The following NFIX variants were observed in gnomAD, a reference collection of about 807,000 sequenced individuals.
The protein encoded by NFIX is nuclear factor 1 X-type.
Under a neutral mutation model 53.3 loss-of-function variants are expected in NFIX, and 2 were observed. That is an observed-to-expected ratio of 0.04 (90% confidence interval 0.02 to 0.12). The LOEUF (loss-of-function observed/expected upper bound fraction) is 0.12. Ranked by LOEUF, NFIX falls within the 10% of genes least tolerant of loss-of-function variation. NFIX has a pLI of 1.00. For synonymous variants in NFIX, 244 were observed against 289.0 expected (o/e 0.84, Z 1.58); for missense variants, 310 against 674.5 (o/e 0.46, Z 5.99).
chr19:13,018,275 T>C (rs531691843), intron 1 of NFIX, among the ~76,000 whole-genome samples: 4 of 140,254 alleles, frequency 2.9e-5, no homozygotes, highest in Non-Finnish European at 6.1e-5. Flanking sequence ...CGAGGCTGCC[T>C]GTTGGCCCGA....
At chr19:13,023,349 T>C (rs987790878) in intron 1 of NFIX, among the ~76,000 whole-genome samples, 6 of 149,338 alleles carry the variant, frequency 4.0e-5, no homozygotes, top group African/African-American at 1.5e-4. Context: ...TCGCTCCCTC[T>C]CTCTCTTTTG....
At position 13,029,619 on chromosome 19, in the gene NFIX, G is replaced by C. The variant is rs1599746978; in HGVS notation, c.559+4067G>C. Among the ~76,000 whole-genome samples the C allele has an allele frequency of 2.6e-5, 4 of 152,286 alleles. 1 individual carries two copies. Among genetic ancestry groups the C allele is most frequent in the Admixed American group, 2.0e-4 (3 of 15,302 alleles). On this transcript the variant is annotated intron_variant, in intron 2 of 10. Transcript: ENST00000592199. ...TGGACTCTGCAGGCTGCGCTGCCCC[G>C]AGTGATTCAGTGAGTGTGGTGCTCT...
chr19:13,061,609 G>A (rs2016098310), intron 2 of NFIX, among the ~76,000 whole-genome samples: 1 of 152,152 alleles, frequency 6.6e-6, no homozygotes, highest in African/African-American at 2.4e-5. Flanking sequence ...CCTGAGCCGC[G>A]CCGCTCCCTG....
intron 6 of NFIX, among the ~76,000 whole-genome samples, chr19:13,076,902 A>T (rs534603961): frequency 6.6e-6 from 1 of 152,096 alleles, no homozygotes; most frequent in South Asian, 2.1e-4. Flanking sequence ...GACCCTCTAG[A>T]TGGCCAGCAG....
rs566351086 is a variant in NFIX at position 13,076,848 on chromosome 19, A to G, written c.955+1177A>G. Among the ~76,000 whole-genome samples, 3 of 152,202 alleles carry G rather than the reference A, an allele frequency of 2.0e-5. No homozygotes were observed. The South Asian group carries it at 6.2e-4, about 32-fold the overall frequency. Reference sequence around the variant, plus strand: ...CTTCTCCTCCTCCTGGGAGGAGGAAAGGAGGGCTCGCCTCCAGGCCTCAGG... The same window carrying G: ...CTTCTCCTCCTCCTGGGAGGAGGAAGGGAGGGCTCGCCTCCAGGCCTCAGG... On this transcript the variant is annotated intron_variant, in intron 6 of 10. Coordinates refer to ENST00000592199, the MANE Select transcript of NFIX (RefSeq NM_001365902.3).
rs2013503862 is a variant in NFIX, at chr19:13,028,009, C to T, written c.559+2457C>T. 6.6e-6 allele frequency among the ~76,000 whole-genome samples: 1 copy of T among 152,250 alleles called. No individual in the cohort carries two copies. Among genetic ancestry groups the T allele is most frequent in the Non-Finnish European group, 1.5e-5 (1 of 68,050 alleles). On this transcript the variant is annotated intron_variant, in intron 2 of 10. Coordinates refer to ENST00000592199, the MANE Select transcript of NFIX (RefSeq NM_001365902.3). The surrounding 1 kb of genome is among the most constrained non-coding windows in gnomAD (Gnocchi z 4.2). Reference sequence around the variant, plus strand: ...AGGCGAGTTGGCGCAGCCCGGGCCACCAGTGGGCTGCATCACTTGTTCCTC... The same window carrying T: ...AGGCGAGTTGGCGCAGCCCGGGCCATCAGTGGGCTGCATCACTTGTTCCTC...
chr19:13,092,031 G>A (rs559954813), intron 10 of NFIX, among the ~76,000 whole-genome samples: 3 of 152,316 alleles, frequency 2.0e-5, no homozygotes, highest in Admixed American at 6.5e-5. Flanking sequence ...GAGCAGGCAG[G>A]TGTGTCTGGG....
intron 1 of NFIX, among the ~76,000 whole-genome samples, chr19:13,017,302 T>C (rs1031401478): frequency 3.9e-4 from 60 of 152,240 alleles, no homozygotes; most frequent in African/African-American, 1.4e-3. Context: ...ATTCTTGGGT[T>C]TCCTGGGCAA....
chr19:13,072,865 C>T lies in NFIX; in HGVS notation c.560-182C>T, dbSNP rs1211998091. ...GAAACCTGCACTGGGCCTGTCTTTC[C>T]TTCTCTGCTTTGGGTCTCCCGGAGC... On this transcript the variant is annotated intron_variant, in intron 2 of 10. Coordinates refer to ENST00000592199, the MANE Select transcript of NFIX (RefSeq NM_001365902.3). The surrounding 1 kb of genome is among the most constrained non-coding windows in gnomAD (Gnocchi z 4.0). Among the ~76,000 whole-genome samples the T allele has an allele frequency of 6.6e-6, 1 of 152,186 alleles. No homozygotes were observed. The highest frequency in any genetic ancestry group is 1.9e-4 in the East Asian group (1 of 5,188).
At position 13,049,936 on chromosome 19, in the gene NFIX, C is replaced by T. The variant is rs185183713; in HGVS notation, c.560-23111C>T. On this transcript the variant is annotated intron_variant, in intron 2 of 10. Transcript: ENST00000592199. The surrounding 1 kb of genome is among the most constrained non-coding windows in gnomAD (Gnocchi z 4.5). The stretch of plus-strand genomic sequence containing the variant: ...ATAATATTTAATTGTATGGCTGTGC[C>T]ACATTTTGTTTATCCATTCATACAT... Among the ~76,000 whole-genome samples, 17 of 152,314 alleles carry T rather than the reference C, an allele frequency of 1.1e-4. No homozygotes were observed. The highest frequency in any genetic ancestry group is 1.8e-4 in the Non-Finnish European group (12 of 68,030).
Position 13,072,936 on chromosome 19 carries a change from G to A in NFIX, c.560-111G>A. The A allele has an allele frequency of 1.9e-6, 2 of 1,042,568 alleles. No individual in the cohort carries two copies. The highest frequency in any genetic ancestry group is 4.7e-5 in the East Asian group (2 of 42,204). The allele number at this position is 1,042,568 out of a possible 1,614,324, so 64.6% of individuals were successfully genotyped here. On this transcript the variant is annotated intron_variant, in intron 2 of 10. Coordinates refer to ENST00000592199, the MANE Select transcript of NFIX (RefSeq NM_001365902.3). The surrounding 1 kb of genome is among the most constrained non-coding windows in gnomAD (Gnocchi z 4.0). ...AGAGGGTGGGGTGAAGGTTTCTGTA[G>A]CCAGGGTGGGCCGTCCCTGCTCTTG...
intron 1 of NFIX, among the ~76,000 whole-genome samples, chr19:13,019,548 C>T (rs936200642): frequency 1.3e-5 from 2 of 152,182 alleles, no homozygotes; most frequent in African/African-American, 2.4e-5. Flanking sequence ...TTGGCACTCT[C>T]TCTCCAGGTT....
rs1329014327 is a variant in NFIX at position 13,001,735 on chromosome 19, T to C, written c.27+5871T>C. On this transcript the variant is annotated intron_variant, in intron 1 of 10. Transcript: ENST00000592199. This position sits in a 1 kb window ranked among gnomAD's most constrained non-coding sequence, Gnocchi z 6.5. ...GAGCTTGTCCCCGTGACAATCACTG[T>C]GGGTCTCACCCCACGGGCGCCTCTC... Among the ~76,000 whole-genome samples, 1 of 152,194 alleles carries C rather than the reference T, an allele frequency of 6.6e-6. No individual in the cohort carries two copies. Among genetic ancestry groups the C allele is most frequent in the Non-Finnish European group, 1.5e-5 (1 of 68,014 alleles).
At position 13,078,506 on chromosome 19, in the gene NFIX, G is replaced by T. The variant is rs1169669466; in HGVS notation, c.956-107G>T. The T allele has an allele frequency of 6.6e-6, 9 of 1,368,838 alleles. No individual in the cohort carries two copies. The highest frequency in any genetic ancestry group is 9.0e-6 in the Non-Finnish European group (9 of 1,001,384). The allele number at this position is 1,368,838 out of a possible 1,614,324, so 84.8% of individuals were successfully genotyped here. On this transcript the variant is annotated intron_variant, in intron 6 of 10. Transcript: ENST00000592199. The surrounding 1 kb of genome is among the most constrained non-coding windows in gnomAD (Gnocchi z 4.7). ...AGGGAGCACAGTGGAGGAAGGGGCAGTGGGGAGGGGCTGAGGAGAGAAGGA... is the reference window on the plus strand; with the variant it reads ...AGGGAGCACAGTGGAGGAAGGGGCATTGGGGAGGGGCTGAGGAGAGAAGGA...
chr19:13,094,805 C>A lies in NFIX; in HGVS notation c.*156C>A. 1.3e-6 allele frequency: 1 copy of A among 746,964 alleles called. No individual in the cohort carries two copies. The allele number at this position is 746,964 out of a possible 1,614,324, so 46.3% of individuals were successfully genotyped here. ...GCCACTCAGCCCTTCTCTCCTCCAG[C>A]CCGGGGACCCCCGCGGGCCCCAGAA... On this transcript the variant is annotated 3_prime_UTR_variant, in exon 11 of 11. Transcript: ENST00000592199. The surrounding 1 kb of genome is among the most constrained non-coding windows in gnomAD (Gnocchi z 4.3).
chr19:13,066,169 G>A lies in NFIX; in HGVS notation c.560-6878G>A, dbSNP rs1266822799. Among the ~76,000 whole-genome samples the A allele has an allele frequency of 2.6e-5, 4 of 152,142 alleles. No homozygotes were observed. The highest frequency in any genetic ancestry group is 4.4e-5 in the Non-Finnish European group (3 of 68,000). On this transcript the variant is annotated intron_variant, in intron 2 of 10. Transcript: ENST00000592199. This position sits in a 1 kb window ranked among gnomAD's most constrained non-coding sequence, Gnocchi z 4.2. ...TGGACTTGCTTTCTCCTCGCTTCCC[G>A]AAGCCTTACTGCCGAGCTGTGAGTC...
rs1420980454 is a variant in NFIX at position 12,998,041 on chromosome 19, A to C, written c.27+2177A>C. 6.6e-6 allele frequency among the ~76,000 whole-genome samples: 1 copy of C among 151,864 alleles called. No individual in the cohort carries two copies. The highest frequency in any genetic ancestry group is 1.5e-5 in the Non-Finnish European group (1 of 67,948). Reference sequence around the variant, plus strand: ...GGGGTCTGGCCTGCCCCTCCCTAACAATCACATCTCTGTTTTTACAAATCT... The same window carrying C: ...GGGGTCTGGCCTGCCCCTCCCTAACCATCACATCTCTGTTTTTACAAATCT... On this transcript the variant is annotated intron_variant, in intron 1 of 10. Transcript: ENST00000592199. This position sits in a 1 kb window ranked among gnomAD's most constrained non-coding sequence, Gnocchi z 4.4.
intron 2 of NFIX, among the ~76,000 whole-genome samples, chr19:13,065,408 G>A (rs1187051635): frequency 6.6e-6 from 1 of 152,214 alleles, no homozygotes; most frequent in African/African-American, 2.4e-5. Context: ...ACCCCAGACA[G>A]TGCTGCTGCC....
intron 2 of NFIX, among the ~76,000 whole-genome samples, chr19:13,035,591 A>G (rs2014129550): frequency 6.6e-6 from 1 of 152,104 alleles, no homozygotes; most frequent in Non-Finnish European, 1.5e-5. Context: ...CTCTTTTTAA[A>G]TGATTTGATT....
Sources: gnomAD v4.1 joint callset for allele counts (sites outside exome capture counted in the v4.1 genomes callset) on GRCh38, gnomAD v4.1.1 for gene constraint, Gnocchi (gnomAD v3.1) non-coding constraint, MANE v1.5 for transcripts, NCBI Gene and HGNC (gene_info 2026-07-23, HGNC 2026-07-21) for gene names.